STIM2: variants seen among roughly 807,000 people sequenced by gnomAD.
STIM2 encodes stromal interaction molecule 2.
A neutral mutation model predicts 85.8 loss-of-function variants in STIM2; 31 were observed. The ratio of observed to expected loss-of-function variants is 0.36; its 90% CI spans 0.27 to 0.49. The LOEUF (loss-of-function observed/expected upper bound fraction) is 0.49. Among genes scored for constraint, STIM2 ranks in the 20% least tolerant of loss-of-function variants. STIM2 has a pLI of 0.98. For missense variants in STIM2, 841 were observed against 927.6 expected (o/e 0.91, Z 1.21); for synonymous variants, 356 against 331.1 (o/e 1.08, Z -0.82).
intron 1 of STIM2, among the ~76,000 whole-genome samples, chr4:26,892,520 A>C (rs1723532624): frequency 1.3e-5 from 2 of 152,026 alleles, no homozygotes; most frequent in African/African-American, 4.8e-5. Context: ...TTAACATATG[A>C]ATTTTTTTGG....
intron 3 of STIM2, among the ~76,000 whole-genome samples, chr4:26,975,415 A>T (rs1246356155): frequency 6.6e-6 from 1 of 152,058 alleles, no homozygotes; most frequent in Non-Finnish European, 1.5e-5. Context: ...TGACCTACAG[A>T]TGGGGTTTTG....
chr4:26,995,429 G>T lies in STIM2; in HGVS notation c.448G>T (p.Glu150Ter). 1 of 1,603,362 alleles carries T rather than the reference G, an allele frequency of 6.2e-7. No individual in the cohort carries two copies. The highest frequency in any genetic ancestry group is 8.5e-7 in the Non-Finnish European group (1 of 1,175,044). The change falls in exon 4 of 12, where the codon GAA becomes TAA. Residue 150 changes from glutamate (E) to a stop codon, truncating the protein, a stop_gained. Transcript: ENST00000467087. LOFTEE classifies it high-confidence loss of function. ...TCTTCAGTGGTTGATAGAGTTTGTT[G>T]AACTACCCCAATATGAGAAGAATTT...
Position 26,906,883 on chromosome 4 carries a change from C to T in STIM2, c.152-12621C>T, listed in dbSNP as rs543861938. Among the ~76,000 whole-genome samples, 687 of 150,618 alleles carry T rather than the reference C, an allele frequency of 4.6e-3. 4 individuals carry two copies. Among genetic ancestry groups the T allele is most frequent in the Non-Finnish European group, 7.7e-3 (522 of 67,838 alleles). ...TCGGGAGACTGAGGCAGGAGAATGG[C>T]GTGAATCTGGGAGGTGGAGCTTGCA... On this transcript the variant is annotated intron_variant, in intron 1 of 11. Transcript: ENST00000467087.
At chr4:26,969,936 T>G (rs369986532) in intron 3 of STIM2, among the ~76,000 whole-genome samples, 2 of 152,152 alleles carry the variant, frequency 1.3e-5, no homozygotes, top group East Asian at 3.8e-4. Context: ...TGGCTTGAAA[T>G]TACAGTATAG....
At chr4:26,940,320 A>T (rs921053081) in intron 2 of STIM2, among the ~76,000 whole-genome samples, 1 of 152,082 alleles carries the variant, frequency 6.6e-6, no homozygotes, top group African/African-American at 2.4e-5. Flanking sequence ...AGGACATTTT[A>T]TTCAGGCCCA....
intron 1 of STIM2, among the ~76,000 whole-genome samples, chr4:26,868,749 T>G (rs915601052): frequency 6.6e-6 from 1 of 152,182 alleles, no homozygotes; most frequent in Non-Finnish European, 1.5e-5. Flanking sequence ...TTATTCCTAT[T>G]GTCCAGCAAT....
intron 1 of STIM2, among the ~76,000 whole-genome samples, chr4:26,898,944 C>T (rs1052993818): frequency 6.6e-6 from 1 of 151,544 alleles, no homozygotes; most frequent in Non-Finnish European, 1.5e-5. Context: ...CTGCAAATGA[C>T]AGTTTTTTTT....
At chr4:26,900,225 C>T (rs184312916) in intron 1 of STIM2, among the ~76,000 whole-genome samples, 1 of 152,284 alleles carries the variant, frequency 6.6e-6, no homozygotes, top group East Asian at 1.9e-4. Flanking sequence ...GCAACCCAGT[C>T]TTCCTGCTTT....
intron 1 of STIM2, among the ~76,000 whole-genome samples, chr4:26,901,056 G>A (rs181552913): frequency 5.9e-5 from 9 of 152,100 alleles, no homozygotes; most frequent in Admixed American, 3.3e-4. Context: ...CCCTTCTTGC[G>A]TTTCCTCTCC....
chr4:27,022,674 C>T lies in STIM2; in HGVS notation c.1919C>T (p.Ser640Leu), dbSNP rs377370453. 1.5e-5 allele frequency: 25 copies of T among 1,614,062 alleles called. No homozygotes were observed. The highest frequency in any genetic ancestry group is 2.2e-5 in the East Asian group (1 of 44,896). ...CTAGAGGATTCCTCCCGAGGGGATTCGCCTGTAACTGTGGATGTGTCTTGG... is the reference window on the plus strand; with the variant it reads ...CTAGAGGATTCCTCCCGAGGGGATTTGCCTGTAACTGTGGATGTGTCTTGG... The change falls in exon 12 of 12, where the codon TCG becomes TTG. Residue 640 changes from serine (S) to leucine (L), a missense_variant. Ser to Leu is a moderately radical substitution (Grantham distance 145). Around this residue, in one of 3 missense-constraint regions of STIM2, gnomAD observed 293 missense variants for 284.5 expected, o/e 1.03. Transcript: ENST00000467087.
rs1267525366 is a variant in STIM2, at chr4:26,880,656, T to TAAATATATATGTAAATATATATAG, written c.151+19309_151+19310insAGAAATATATATGTAAATATATAT. Among the ~76,000 whole-genome samples the TAAATATATATGTAAATATATATAG allele has an allele frequency of 1.6e-4, 23 of 146,378 alleles. 1 individual carries two copies. Among genetic ancestry groups the TAAATATATATGTAAATATATATAG allele is most frequent in the African/African-American group, 5.7e-4 (23 of 40,178 alleles). ...ATAAATATATATGTAAATATATATA[T>TAAATATATATGTAAATATATATAG]AAATATATATGTAAATATATATGTA... On this transcript the variant is annotated intron_variant, in intron 1 of 11. Coordinates refer to ENST00000467087, the MANE Select transcript of STIM2 (RefSeq NM_020860.4).
At chr4:26,955,145 T>A (rs1347745124) in intron 2 of STIM2, among the ~76,000 whole-genome samples, 2 of 147,060 alleles carry the variant, frequency 1.4e-5, no homozygotes, top group Non-Finnish European at 3.0e-5. Flanking sequence ...TCAAAAGTTT[T>A]AAAAAATTAA....
At chr4:26,927,843 T>C (rs11937579) in intron 2 of STIM2, among the ~76,000 whole-genome samples, 2,514 of 136,160 alleles carry the variant, frequency 0.018, 80 homozygotes, top group African/African-American at 0.074. Flanking sequence ...ATATAAATTA[T>C]ATATTAATAT....
chr4:27,005,671 A>G (rs1292017907), intron 7 of STIM2, among the ~76,000 whole-genome samples: 1 of 152,240 alleles, frequency 6.6e-6, no homozygotes, highest in African/African-American at 2.4e-5. Flanking sequence ...GAGTAATAGC[A>G]GAGAAAACAG....
chr4:27,006,655 T>C (rs1388529082), intron 7 of STIM2, among the ~76,000 whole-genome samples: 1 of 152,232 alleles, frequency 6.6e-6, no homozygotes, highest in East Asian at 1.9e-4. Flanking sequence ...GCTTTCCTTA[T>C]GATACTTTTT....
intron 1 of STIM2, among the ~76,000 whole-genome samples, chr4:26,883,968 T>A (rs1290904701): frequency 6.6e-6 from 1 of 152,228 alleles, no homozygotes; most frequent in Non-Finnish European, 1.5e-5. Flanking sequence ...TATTATCAGA[T>A]TGTTACCTGA....
At chr4:26,893,794 C>A (rs1723591127) in intron 1 of STIM2, among the ~76,000 whole-genome samples, 1 of 151,950 alleles carries the variant, frequency 6.6e-6, no homozygotes, top group Admixed American at 6.6e-5. Context: ...AGTTGAGCAT[C>A]ATTTCATATT....
intron 2 of STIM2, among the ~76,000 whole-genome samples, chr4:26,922,413 CAG>C (rs1491519802): frequency 1.4e-5 from 2 of 140,232 alleles, no homozygotes; most frequent in African/African-American, 5.4e-5. Context: ...ATGCTCTGTG[CAG>C]TTTTAGATTT....
At chr4:27,009,121 TTC>T in intron 10 of STIM2, 119 bp downstream of exon 10, 1 of 760,068 alleles carries the variant, frequency 1.3e-6, no homozygotes, top group South Asian at 2.0e-5. Context: ...ATCCTTCATT[TTC>T]TCTTTCTTTT....
Sources: allele counts gnomAD v4.1 joint callset (sites outside exome capture counted in the v4.1 genomes callset), GRCh38; gene constraint gnomAD v4.1.1; regional missense constraint gnomAD v4.1.1; transcripts MANE v1.5; gene names NCBI Gene and HGNC (gene_info 2026-07-23, HGNC 2026-07-21).